Variants in RIMS1 observed in about 807,000 individuals in gnomAD.
RIMS1 encodes the protein regulating synaptic membrane exocytosis protein 1.
In RIMS1, 83 loss-of-function variants were observed where a neutral mutation model predicts 214.1. The observed-to-expected ratio is 0.39, with a 90% CI of 0.32 to 0.47. The LOEUF (loss-of-function observed/expected upper bound fraction) is 0.47. Ranked by LOEUF, RIMS1 falls within the 20% of genes least tolerant of loss-of-function variation. The pLI is 0.99. For missense variants in RIMS1, 2,050 were observed against 2,161.8 expected (o/e 0.95, Z 1.03); for synonymous variants, 793 against 786.8 (o/e 1.01, Z -0.13).
At chr6:72,007,221 A>G (rs753657839) in intron 2 of RIMS1, among the ~76,000 whole-genome samples, 32 of 152,238 alleles carry the variant, frequency 2.1e-4, no homozygotes, top group Non-Finnish European at 4.1e-4. Flanking sequence ...CAGGGTCTGG[A>G]GTGGACCTCC....
chr6:72,045,383 A>G (rs1001492836), intron 2 of RIMS1, among the ~76,000 whole-genome samples: 1 of 152,002 alleles, frequency 6.6e-6, no homozygotes, highest in African/African-American at 2.4e-5. Flanking sequence ...TTCACCAAAC[A>G]TATTTATTAT....
Position 72,097,110 on chromosome 6 carries a change from G to A in RIMS1, c.407G>A (p.Arg136His), listed in dbSNP as rs1411730533. 4 of 1,613,876 alleles carry A rather than the reference G, an allele frequency of 2.5e-6. No individual in the cohort carries two copies. Among genetic ancestry groups the A allele is most frequent in the East Asian group, 4.5e-5 (2 of 44,886 alleles). The change falls in exon 3 of 34, where the codon CGC (arginine) becomes CAC (histidine). Residue 136 changes from arginine to histidine, a missense_variant. Around this residue, in one of 6 missense-constraint regions of RIMS1, gnomAD observed 882 missense variants for 828.9 expected, o/e 1.06. Transcript: ENST00000521978. ...TGCGGTCATCTCTGCTCCTATTGTC[G>A]CACTAAGTTCTGTGCGCGCTGCGGA... ...DGCGHLCSYCRTKFCARCGGR... is the reference protein window; with the variant it reads ...DGCGHLCSYCHTKFCARCGGR...
At chr6:72,239,681 T>A (rs2065869641) in intron 9 of RIMS1, among the ~76,000 whole-genome samples, 1 of 152,202 alleles carries the variant, frequency 6.6e-6, no homozygotes. Context: ...TACTGCTACT[T>A]CATTTAACCT....
intron 2 of RIMS1, among the ~76,000 whole-genome samples, chr6:72,096,245 T>A (rs2031619707): frequency 2.0e-5 from 3 of 152,290 alleles, no homozygotes; most frequent in Admixed American, 2.0e-4. Flanking sequence ...AATCTGCATA[T>A]CTACAAGGTA....
chr6:72,179,445 T>G (rs925856420), intron 4 of RIMS1, 130 bp from the exon 5 acceptor site: 16 of 852,068 alleles, frequency 1.9e-5, no homozygotes, highest in Non-Finnish European at 2.9e-5. Context: ...AGGACCATTT[T>G]CACAAGAAAT....
intron 1 of RIMS1, among the ~76,000 whole-genome samples, chr6:71,961,300 A>G (rs1179625799): frequency 6.6e-6 from 1 of 151,952 alleles, no homozygotes; most frequent in Admixed American, 6.6e-5. Flanking sequence ...ATCTGCCTTT[A>G]CCTCCTCAGC....
At chr6:71,968,839 C>G (rs1202531250) in intron 1 of RIMS1, 144 bp from the exon 2 acceptor site, 6 of 700,920 alleles carry the variant, frequency 8.6e-6, no homozygotes, top group Non-Finnish European at 1.2e-5. Flanking sequence ...ACTCCAAGGG[C>G]TTTGCTGGGG....
intron 4 of RIMS1, among the ~76,000 whole-genome samples, chr6:72,131,505 G>A (rs1651453404): frequency 6.6e-6 from 1 of 152,112 alleles, no homozygotes; most frequent in Non-Finnish European, 1.5e-5. Context: ...AAACCAGCAT[G>A]TTTTTATTAG....
chr6:72,153,175 C>T (rs2043968821), intron 4 of RIMS1, among the ~76,000 whole-genome samples: 1 of 147,008 alleles, frequency 6.8e-6, no homozygotes, highest in Admixed American at 6.8e-5. Context: ...CCCCTTATGT[C>T]CTCCAATAGA....
At chr6:71,925,817 T>A (rs1350593794) in intron 1 of RIMS1, among the ~76,000 whole-genome samples, 1 of 152,252 alleles carries the variant, frequency 6.6e-6, no homozygotes, top group African/African-American at 2.4e-5. Context: ...TCCAAGTGAT[T>A]ATGTCTTTGG....
At chr6:72,247,866 A>G in intron 11 of RIMS1, 149 bp from the exon 12 acceptor site, 1 of 602,878 alleles carries the variant, frequency 1.7e-6, no homozygotes, top group African/African-American at 1.9e-5. Flanking sequence ...TTTTAAATAG[A>G]CAACTAAAGA....
chr6:71,918,229 G>A (rs1779003009), intron 1 of RIMS1, among the ~76,000 whole-genome samples: 1 of 152,040 alleles, frequency 6.6e-6, no homozygotes, highest in East Asian at 1.9e-4. Context: ...GGAGAGAAGA[G>A]GATGCAGAGC....
At chr6:71,904,966 T>A (rs954574500) in intron 1 of RIMS1, among the ~76,000 whole-genome samples, 7 of 152,154 alleles carry the variant, frequency 4.6e-5, no homozygotes, top group Non-Finnish European at 1.0e-4. Flanking sequence ...ATTTCACTAA[T>A]TTTTTGTAAA....
At chr6:72,299,342 G>A (rs952695397) in intron 26 of RIMS1, among the ~76,000 whole-genome samples, 1 of 151,762 alleles carries the variant, frequency 6.6e-6, no homozygotes, top group African/African-American at 2.4e-5. Flanking sequence ...ATAATAGTGT[G>A]TAATTTATAC....
intron 1 of RIMS1, among the ~76,000 whole-genome samples, chr6:71,956,496 A>G (rs1791322056): frequency 6.6e-6 from 1 of 152,184 alleles, no homozygotes; most frequent in Admixed American, 6.5e-5. Flanking sequence ...AACATTTGTA[A>G]TATAAGAGGA....
chr6:72,078,556 G>C (rs1832482176), intron 2 of RIMS1, among the ~76,000 whole-genome samples: 1 of 152,100 alleles, frequency 6.6e-6, no homozygotes. Flanking sequence ...ACTATGCAGA[G>C]ACTAGTGCCT....
intron 28 of RIMS1, among the ~76,000 whole-genome samples, chr6:72,331,176 A>G (rs754232810): frequency 5.9e-5 from 9 of 151,710 alleles, no homozygotes; most frequent in Non-Finnish European, 1.0e-4. Context: ...ACATTTCCCT[A>G]TACTCTTAAA....
At chr6:72,263,840 C>A (rs1156975299) in intron 19 of RIMS1, 4 of 330,748 alleles carry the variant, frequency 1.2e-5, no homozygotes, top group Admixed American at 7.6e-5. Flanking sequence ...CACACACACA[C>A]AAATTAGGTG....
At chr6:71,999,552 A>G (rs1804493023) in intron 2 of RIMS1, among the ~76,000 whole-genome samples, 1 of 152,136 alleles carries the variant, frequency 6.6e-6, no homozygotes, top group Non-Finnish European at 1.5e-5. Context: ...ATAAATTGGC[A>G]AGAATCCTAA....
Sources: allele counts gnomAD v4.1 joint callset (sites outside exome capture counted in the v4.1 genomes callset), GRCh38; gene constraint gnomAD v4.1.1; regional missense constraint gnomAD v4.1.1; transcripts MANE v1.5; gene names NCBI Gene and HGNC (gene_info 2026-07-23, HGNC 2026-07-21).